COL26A1: variants seen among roughly 807,000 people sequenced by gnomAD.
The protein encoded by COL26A1 is collagen alpha-1(XXVI) chain.
A neutral mutation model predicts 59.3 loss-of-function variants in COL26A1; 41 were observed. The observed-to-expected ratio is 0.69, with a 90% confidence interval of 0.54 to 0.90. The LOEUF is 0.90. COL26A1 is among the 40% of genes least tolerant of loss of function. The probability of loss-of-function intolerance (pLI) is 0.00; values close to 1 mark genes in which losing one functional copy is unlikely to be tolerated. For synonymous variants in COL26A1, 266 were observed against 256.0 expected (o/e 1.04, Z -0.37); for missense variants, 612 against 602.3 (o/e 1.02, Z -0.17).
intron 1 of COL26A1, among the ~76,000 whole-genome samples, chr7:101,402,595 T>G (rs1433152400): frequency 6.6e-6 from 1 of 151,742 alleles, no homozygotes; most frequent in East Asian, 1.9e-4. Flanking sequence ...TTTTTCTTCC[T>G]TCCTTCTTTC....
chr7:101,528,070 G>A (rs1424271303), intron 3 of COL26A1, among the ~76,000 whole-genome samples: 1 of 152,178 alleles, frequency 6.6e-6, no homozygotes, highest in Non-Finnish European at 1.5e-5. Context: ...GGATGGGGGT[G>A]GTGTGGGGAG....
chr7:101,515,287 A>T (rs926547358), intron 3 of COL26A1, among the ~76,000 whole-genome samples: 25 of 149,822 alleles, frequency 1.7e-4, no homozygotes, highest in South Asian at 6.3e-4. Context: ...ATAAATATTT[A>T]TTTTTTTTTT....
intron 1 of COL26A1, among the ~76,000 whole-genome samples, chr7:101,397,610 C>T (rs942318718): frequency 1.1e-4 from 16 of 146,432 alleles, no homozygotes; most frequent in African/African-American, 3.7e-4. Flanking sequence ...GGTCATAGCT[C>T]AGTGCAGCCT....
intron 1 of COL26A1, among the ~76,000 whole-genome samples, chr7:101,387,778 A>ATATATATTTTTT (rs773025730): frequency 2.1e-4 from 18 of 84,806 alleles, no homozygotes; most frequent in African/African-American, 7.5e-4. Context: ...ATATATATAT[A>ATATATATTTTTT]TTTTTTTTTA....
intron 3 of COL26A1, among the ~76,000 whole-genome samples, chr7:101,515,539 C>G (rs367670797): frequency 2.3e-4 from 35 of 151,728 alleles, no homozygotes; most frequent in African/African-American, 7.0e-4. Context: ...CCGCCTTGGT[C>G]TCCCAAAGTG....
chr7:101,534,620 C>A (rs1478138096), intron 4 of COL26A1, among the ~76,000 whole-genome samples: 3 of 150,250 alleles, frequency 2.0e-5, no homozygotes, highest in Non-Finnish European at 4.4e-5. Context: ...TACACACACA[C>A]ACAAGCATGC....
intron 1 of COL26A1, among the ~76,000 whole-genome samples, chr7:101,364,672 T>G (rs1312336295): frequency 2.0e-5 from 3 of 151,958 alleles, no homozygotes; most frequent in African/African-American, 7.2e-5. Flanking sequence ...CAGGCTCAAG[T>G]GATCCCCCGA....
intron 3 of COL26A1, among the ~76,000 whole-genome samples, chr7:101,459,460 C>T (rs1212770762): frequency 7.2e-5 from 9 of 124,496 alleles, no homozygotes; most frequent in African/African-American, 1.7e-4. Context: ...CCACCACACC[C>T]GGCTAATTTT....
In COL26A1 at chr7:101,420,046, C is replaced by A. The variant is rs928262451; in HGVS notation, c.228C>A (p.Val76=). The A allele has an allele frequency of 1.9e-6, 3 of 1,613,096 alleles. No individual in the cohort carries two copies. The African/African-American group carries it at 4.0e-5, about 21-fold the overall frequency. ...CQVQNGSETV[V]QRVYQSCRWP... is the part of the protein sequence containing the mutation. ...TGCAGAATGGCTCGGAGACGGTGGT[C>A]CAGCGCGTGTACCAGAGCTGCCGGT... Residue 76 remains valine, a synonymous_variant, in exon 2 of 13, where the codon GTC becomes GTA. Coordinates refer to ENST00000313669, the MANE Select transcript of COL26A1 (RefSeq NM_001278563.3).
intron 2 of COL26A1, among the ~76,000 whole-genome samples, chr7:101,434,282 C>G (rs911360110): frequency 6.7e-6 from 1 of 148,826 alleles, no homozygotes; most frequent in African/African-American, 2.5e-5. Context: ...GAGACAGGGT[C>G]TTGCTCTGTT....
intron 1 of COL26A1, among the ~76,000 whole-genome samples, chr7:101,415,624 T>TTTTTG (rs904893325): frequency 1.8e-4 from 27 of 151,922 alleles, no homozygotes; most frequent in African/African-American, 4.6e-4. Context: ...TTCTTCCATG[T>TTTTTG]TTTTGTTTTG....
chr7:101,518,530 A>G (rs1452954205), intron 3 of COL26A1, among the ~76,000 whole-genome samples: 1 of 152,200 alleles, frequency 6.6e-6, no homozygotes, highest in Non-Finnish European at 1.5e-5. Flanking sequence ...CTCCCCCTGC[A>G]CTTGGTGTCA....
chr7:101,526,034 T>G (rs918725662), intron 3 of COL26A1, among the ~76,000 whole-genome samples: 11 of 151,968 alleles, frequency 7.2e-5, no homozygotes, highest in African/African-American at 2.4e-4. Context: ...TGCGTTTTCT[T>G]TTTCTTTTCT....
At chr7:101,502,465 A>G (rs1198766338) in intron 3 of COL26A1, among the ~76,000 whole-genome samples, 1 of 152,158 alleles carries the variant, frequency 6.6e-6, no homozygotes, top group African/African-American at 2.4e-5. Context: ...CTCTTGTTCT[A>G]ATGGGGAAAC....
At chr7:101,529,538 C>T (rs189901020) in intron 3 of COL26A1, among the ~76,000 whole-genome samples, 256 of 152,266 alleles carry the variant, frequency 1.7e-3, no homozygotes, top group Non-Finnish European at 2.5e-3. Flanking sequence ...AGATTACAGG[C>T]GTGAGCCACC....
rs573896482 is a variant in COL26A1 at position 101,424,606 on chromosome 7, T to A, written c.281+4507T>A. 8.5e-5 allele frequency among the ~76,000 whole-genome samples: 13 copies of A among 152,118 alleles called. No individual in the cohort carries two copies. The South Asian group carries it at 2.3e-3, about 27-fold the overall frequency. ...GAGCAAGTCTCCGTCTCAAAAAAAA[T>A]TTAATAATTTATTAGGGAAGGAGAG... is the stretch of plus-strand genomic sequence containing the variant. On this transcript the variant is annotated intron_variant, in intron 2 of 12. Transcript: ENST00000313669.
chr7:101,554,502 T>C (rs190135245), intron 11 of COL26A1, among the ~76,000 whole-genome samples: 66 of 141,532 alleles, frequency 4.7e-4, no homozygotes, highest in Non-Finnish European at 6.6e-4. Context: ...GAGGCTGAGG[T>C]AGGAGAATCG....
rs538742393 is a variant in COL26A1 at position 101,539,828 on chromosome 7, G to A, written c.448-65G>A. On this transcript the variant is annotated intron_variant, in intron 4 of 12. Transcript: ENST00000313669. ...ATGGGGTGCACATGCATGTCCCTGTGTGTCACGCATGTCCCTATGTGTCAG... is the reference window on the plus strand; with the variant it reads ...ATGGGGTGCACATGCATGTCCCTGTATGTCACGCATGTCCCTATGTGTCAG... 157 of 1,513,614 alleles carry A rather than the reference G, an allele frequency of 1.0e-4. No individual in the cohort carries two copies. The African/African-American group carries it at 1.1e-3, about 10-fold the overall frequency. The allele number at this position is 1,513,614 out of a possible 1,614,324, so 93.8% of individuals were successfully genotyped here.
At chr7:101,550,285 AC>A (rs1310118857) in intron 9 of COL26A1, among the ~76,000 whole-genome samples, 1 of 149,670 alleles carries the variant, frequency 6.7e-6, no homozygotes, top group East Asian at 1.9e-4. Context: ...ACATAGCAAG[AC>A]CCCATCTCTA....
Sources: gnomAD v4.1 joint callset for allele counts (sites outside exome capture counted in the v4.1 genomes callset) on GRCh38, gnomAD v4.1.1 for gene constraint, MANE v1.5 for transcripts, NCBI Gene and HGNC (gene_info 2026-07-23, HGNC 2026-07-21) for gene names.